The following INTS9 variants were observed in gnomAD, a reference collection of about 807,000 sequenced individuals.
The protein encoded by INTS9 is integrator complex subunit 9, also known as protein related to CPSF subunits of 74 kDa.
Under a neutral mutation model 79.7 loss-of-function variants are expected in INTS9, and 55 were observed. The observed-to-expected ratio is 0.69, with a 90% CI of 0.56 to 0.86. The LOEUF is 0.86. Ranked by LOEUF, INTS9 falls within the 40% of genes least tolerant of loss-of-function variation. The pLI is 0.00. For missense variants in INTS9, 721 were observed against 831.5 expected (o/e 0.87, Z 1.64); for synonymous variants, 319 against 325.2 (o/e 0.98, Z 0.20).
At chr8:28,843,383 G>T (rs754347666) in intron 4 of INTS9, among the ~76,000 whole-genome samples, 4 of 152,182 alleles carry the variant, frequency 2.6e-5, no homozygotes, top group African/African-American at 7.2e-5. Flanking sequence ...ACTTTCATCT[G>T]CATTAAAAAC....
Position 28,771,032 on chromosome 8 carries a change from C to T in INTS9, c.1612G>A (p.Ala538Thr). 1 of 1,613,578 alleles carries T rather than the reference C, an allele frequency of 6.2e-7. No homozygotes were observed. Among genetic ancestry groups the T allele is most frequent in the Non-Finnish European group, 8.5e-7 (1 of 1,179,792 alleles). ...GTGTGCAGCACGGCCGAGACAGTTG[C>T]CAAGGAGATGCCAGGCTTGATCTCC... ...PMEIKPGISL[A>T]TVSAVLHTKD... Residue 538 changes from alanine to threonine, a missense_variant, in exon 15 of 17, where the codon GCA becomes ACA. By Grantham distance (58) the Ala-to-Thr change is moderately conservative. This residue lies in a region of INTS9 where 281 missense variants were observed against 300.8 expected (regional missense o/e 0.93). Transcript: ENST00000521022.
At chr8:28,798,475 C>G (rs1804338662) in intron 8 of INTS9, 1 of 152,154 alleles carries the variant, frequency 6.6e-6, no homozygotes, top group South Asian at 2.1e-4. Flanking sequence ...ATGGTATATA[C>G]AATTCTGTGT....
intron 16 of INTS9, among the ~76,000 whole-genome samples, chr8:28,768,665 G>A (rs1275774800): frequency 6.6e-6 from 1 of 152,230 alleles, no homozygotes; most frequent in Non-Finnish European, 1.5e-5. Context: ...TCAGCTGTCT[G>A]AGCTCCCAGG....
At chr8:28,773,237 G>A (rs1417064845) in intron 14 of INTS9, among the ~76,000 whole-genome samples, 1 of 152,170 alleles carries the variant, frequency 6.6e-6, no homozygotes, top group Non-Finnish European at 1.5e-5. Context: ...GCCAAGGCGG[G>A]TGGATCACAA....
intron 1 of INTS9, among the ~76,000 whole-genome samples, chr8:28,869,906 C>CT (rs1016572105): frequency 1.3e-5 from 2 of 152,020 alleles, no homozygotes; most frequent in Non-Finnish European, 2.9e-5. Context: ...CACACTCATC[C>CT]TGTCCTCTAC....
At chr8:28,870,197 G>GCA (rs968182109) in intron 1 of INTS9, among the ~76,000 whole-genome samples, 4 of 151,910 alleles carry the variant, frequency 2.6e-5, no homozygotes, top group Non-Finnish European at 5.9e-5. Context: ...AAGACTGTAA[G>GCA]CACACACACC....
intron 8 of INTS9, among the ~76,000 whole-genome samples, chr8:28,810,957 C>G (rs566424167): frequency 6.6e-6 from 1 of 152,318 alleles, no homozygotes; most frequent in African/African-American, 2.4e-5. Context: ...CTGCCACTCT[C>G]TTGGACCTCA....
chr8:28,791,336 C>A (rs937243681), intron 10 of INTS9, among the ~76,000 whole-genome samples: 2 of 152,104 alleles, frequency 1.3e-5, no homozygotes, highest in Non-Finnish European at 2.9e-5. Context: ...AGCCTCATAC[C>A]CTGCCACTCC....
chr8:28,881,043 G>A (rs1212574861), intron 1 of INTS9, among the ~76,000 whole-genome samples: 1 of 151,028 alleles, frequency 6.6e-6, no homozygotes, highest in Admixed American at 6.6e-5. Context: ...TGAGAAGTGA[G>A]GAGCCCCTCC....
chr8:28,778,761 C>T (rs552005060), intron 12 of INTS9, among the ~76,000 whole-genome samples: 2 of 152,340 alleles, frequency 1.3e-5, no homozygotes, highest in Non-Finnish European at 2.9e-5. Context: ...TGCCCAGCGA[C>T]GAGGGACCCT....
intron 12 of INTS9, 34 bp downstream of exon 12, chr8:28,780,789 A>G (rs1803209823): frequency 1.2e-6 from 2 of 1,608,904 alleles, no homozygotes; most frequent in Non-Finnish European, 8.5e-7. Flanking sequence ...CTCAGTGGAG[A>G]GAACCAATTT....
chr8:28,830,142 C>T lies in INTS9; in HGVS notation c.488+5150G>A, dbSNP rs538531688. Among the ~76,000 whole-genome samples the T allele has an allele frequency of 5.3e-5, 8 of 152,000 alleles. No individual in the cohort carries two copies. The East Asian group carries it at 1.4e-3, about 26-fold the overall frequency. On this transcript the variant is annotated intron_variant, in intron 6 of 16. Transcript: ENST00000521022. ...CCGTGAACTAGATAGCAAAAAGCAG[C>T]GTTTGTCAATGTAGCATGCTGCAGT...
At chr8:28,775,554 G>A (rs1407242047) in intron 14 of INTS9, among the ~76,000 whole-genome samples, 1 of 152,164 alleles carries the variant, frequency 6.6e-6, no homozygotes, top group Admixed American at 6.5e-5. Flanking sequence ...GCTGGGCTGG[G>A]TTGGCCAGGC....
chr8:28,804,365 C>T (rs553053604), intron 8 of INTS9, among the ~76,000 whole-genome samples: 3 of 152,306 alleles, frequency 2.0e-5, no homozygotes, highest in Admixed American at 1.3e-4. Flanking sequence ...GGCAGGCAAT[C>T]GCCTCTACTG....
chr8:28,798,793 C>A (rs1283112750), intron 8 of INTS9, among the ~76,000 whole-genome samples: 1 of 152,178 alleles, frequency 6.6e-6, no homozygotes, highest in African/African-American at 2.4e-5. Context: ...GCCACCACGA[C>A]CAGCCTCTGT....
Position 28,844,123 on chromosome 8 carries a change from T to C in INTS9, c.261+2624A>G, listed in dbSNP as rs188255019. 4.6e-5 allele frequency among the ~76,000 whole-genome samples: 7 copies of C among 152,358 alleles called. No individual in the cohort carries two copies. The East Asian group carries it at 1.3e-3, about 29-fold the overall frequency. Reference sequence around the variant, plus strand: ...CAGCAACAGGAGGTGGCTATGAAGTTATATACTGTACTACAGTTTTATGCC... The same window carrying C: ...CAGCAACAGGAGGTGGCTATGAAGTCATATACTGTACTACAGTTTTATGCC... On this transcript the variant is annotated intron_variant, in intron 4 of 16. Coordinates refer to ENST00000521022, the MANE Select transcript of INTS9 (RefSeq NM_018250.4).
chr8:28,857,539 G>C (rs10113204), intron 2 of INTS9, among the ~76,000 whole-genome samples: 5 of 152,122 alleles, frequency 3.3e-5, no homozygotes, highest in African/African-American at 1.2e-4. Context: ...AGTTAAAAGT[G>C]AATGATTATA....
chr8:28,811,760 C>A (rs979811982), intron 8 of INTS9, among the ~76,000 whole-genome samples: 1 of 152,168 alleles, frequency 6.6e-6, no homozygotes, highest in African/African-American at 2.4e-5. Context: ...CAAGTGAGAT[C>A]TTCCCATTGG....
At chr8:28,828,846 A>G (rs887401794) in intron 6 of INTS9, among the ~76,000 whole-genome samples, 2 of 151,842 alleles carry the variant, frequency 1.3e-5, no homozygotes, top group African/African-American at 4.8e-5. Flanking sequence ...TATAGGTATG[A>G]CTAATTTTGT....
Sources: allele counts gnomAD v4.1 joint callset (sites outside exome capture counted in the v4.1 genomes callset), GRCh38; gene constraint gnomAD v4.1.1; regional missense constraint gnomAD v4.1.1; transcripts MANE v1.5; gene names NCBI Gene and HGNC (gene_info 2026-07-23, HGNC 2026-07-21).